Variants in ATP1A3 observed in about 807,000 individuals in gnomAD.
The protein encoded by ATP1A3 is ATPase Na+/K+ transporting subunit alpha 3.
A neutral mutation model predicts 108.8 loss-of-function variants in ATP1A3; 12 were observed. The ratio of observed to expected loss-of-function variants is 0.11; its 90% CI spans 0.07 to 0.18. The LOEUF is 0.18. ATP1A3 is among the 10% of genes least tolerant of loss of function. The pLI is 1.00. For synonymous variants in ATP1A3, 539 were observed against 564.5 expected (o/e 0.95, Z 0.64); for missense variants, 498 against 1,387.7 (o/e 0.36, Z 10.19).
At chr19:41,976,696 A>G in intron 14 of ATP1A3, 130 bp from the exon 15 acceptor site, 1 of 1,335,212 alleles carries the variant, frequency 7.5e-7, no homozygotes, top group Admixed American at 2.0e-5. Flanking sequence ...GGGCTGGGGG[A>G]AGAGGCCTCT....
chr19:41,966,856 A>G lies in ATP1A3; in HGVS notation c.*81T>C, dbSNP rs1308697626. Reference sequence around the variant, plus strand: ...AGGAAGAGAGGGCTCCTCCCCCCAGAATACAAAATTGGGGGGACTGACAGG... The same window carrying G: ...AGGAAGAGAGGGCTCCTCCCCCCAGGATACAAAATTGGGGGGACTGACAGG... On this transcript the variant is annotated 3_prime_UTR_variant, in exon 23 of 23. Coordinates refer to ENST00000648268, the MANE Select transcript of ATP1A3 (RefSeq NM_152296.5). The G allele has an allele frequency of 1.0e-5, 16 of 1,548,526 alleles. No individual in the cohort carries two copies. The East Asian group carries it at 2.2e-4, about 21-fold the overall frequency.
chr19:41,972,110 C>T (rs1441897238), intron 16 of ATP1A3, among the ~76,000 whole-genome samples: 3 of 151,816 alleles, frequency 2.0e-5, no homozygotes, highest in Non-Finnish European at 4.4e-5. Context: ...ATTAGCTGGG[C>T]GTGGTGGTGG....
intron 16 of ATP1A3, among the ~76,000 whole-genome samples, chr19:41,973,819 C>G (rs1044712462): frequency 3.3e-5 from 5 of 152,206 alleles, no homozygotes; most frequent in Non-Finnish European, 7.3e-5. Context: ...ACGGCTGTAT[C>G]TGAGACAGTG....
At position 41,988,603 on chromosome 19, in the gene ATP1A3, T is replaced by G; in HGVS notation, c.7-41A>C. The G allele has an allele frequency of 1.2e-6, 2 of 1,614,056 alleles. No individual in the cohort carries two copies. The highest frequency in any genetic ancestry group is 1.7e-6 in the Non-Finnish European group (2 of 1,180,028). On this transcript the variant is annotated intron_variant, in intron 1 of 22. Transcript: ENST00000648268. This position sits in a 1 kb window ranked among gnomAD's most constrained non-coding sequence, Gnocchi z 5.3. ...ACGATAGCTGTCAGAGCCACCAGAC[T>G]GCGGGCGAGAAGGGGTTCCAGGAGG...
At chr19:41,991,175 G>A (rs1212412414) in intron 1 of ATP1A3, among the ~76,000 whole-genome samples, 2 of 152,220 alleles carry the variant, frequency 1.3e-5, no homozygotes, top group Admixed American at 1.3e-4. Context: ...GACAGGTCCC[G>A]CAGGCCCAGG....
At chr19:41,991,874 T>A (rs1241835957) in intron 1 of ATP1A3, among the ~76,000 whole-genome samples, 5 of 42,020 alleles carry the variant, frequency 1.2e-4, no homozygotes, top group South Asian at 1.6e-3. Flanking sequence ...GAGGAGGGGC[T>A]GGGGCTGGAC....
Position 41,984,903 on chromosome 19 carries a change from G to A in ATP1A3, c.993+15C>T. ...CCCAGGCCCTCCCCACCCAGACCCA[G>A]GAGCCTGGCCTTACAGTGACAGTGG... On this transcript the variant is annotated intron_variant, in intron 8 of 22. Transcript: ENST00000648268. 1 of 1,608,724 alleles carries A rather than the reference G, an allele frequency of 6.2e-7. No individual in the cohort carries two copies. Among genetic ancestry groups the A allele is most frequent in the Non-Finnish European group, 8.5e-7 (1 of 1,177,476 alleles).
intron 4 of ATP1A3, chr19:41,986,546 A>C: frequency 3.0e-6 from 1 of 335,058 alleles, no homozygotes; most frequent in Non-Finnish European, 5.8e-6. Context: ...GGTTCAAGCG[A>C]TCCTCCTGCC....
chr19:41,966,926 T>G lies in ATP1A3; in HGVS notation c.*11A>C, dbSNP rs1362382459. The stretch of plus-strand genomic sequence containing the variant: ...GACGGGGAAGAGATGGGCGATGTGG[T>G]GGGGCTGAGGTCAGTAGTAGGTTTC... On this transcript the variant is annotated 3_prime_UTR_variant, in exon 23 of 23. Transcript: ENST00000648268. 6.4e-7 allele frequency: 1 copy of G among 1,550,758 alleles called. No individual in the cohort carries two copies. The highest frequency in any genetic ancestry group is 2.4e-5 in the East Asian group (1 of 40,918).
intron 1 of ATP1A3, 151 bp downstream of exon 1, chr19:41,993,920 A>C: frequency 7.0e-7 from 1 of 1,428,234 alleles, no homozygotes; most frequent in Non-Finnish European, 9.5e-7. Flanking sequence ...CCCCACGACC[A>C]CATGGATTGG....
At position 41,988,137 on chromosome 19, in the gene ATP1A3, A is replaced by G. The variant is rs1213410717; in HGVS notation, c.156T>C (p.Gly52=). Residue 52 remains glycine (G), a splice_region_variant and synonymous_variant, in exon 4 of 23, where the codon GGT becomes GGC. Transcript: ENST00000648268. This position sits in a 1 kb window ranked among gnomAD's most constrained non-coding sequence, Gnocchi z 5.3. ...TCTCCTGGGCTTTGCTGTGGGTCAA[A>G]CCCTGAGGGACAGAGGACTCACACA... is the stretch of plus-strand genomic sequence containing the variant. ...CRKYNTDCVQ[G]LTHSKAQEIL... 32 of 1,613,934 alleles carry G rather than the reference A, an allele frequency of 2.0e-5. No individual in the cohort carries two copies. Among genetic ancestry groups the G allele is most frequent in the Non-Finnish European group, 2.6e-5 (31 of 1,180,008 alleles).
chr19:41,982,202 C>T, intron 8 of ATP1A3, 96 bp from the exon 9 acceptor site: 1 of 1,602,040 alleles, frequency 6.2e-7, no homozygotes, highest in South Asian at 1.1e-5. Flanking sequence ...GCCCAGCCCC[C>T]AGAGAATCCT....
At chr19:41,990,304 T>C (rs902423790) in intron 1 of ATP1A3, among the ~76,000 whole-genome samples, 150 of 152,012 alleles carry the variant, frequency 9.9e-4, no homozygotes, top group African/African-American at 3.5e-3. Flanking sequence ...TGAATCTCTC[T>C]TTCTCTCTCA....
At position 41,976,983 on chromosome 19, in the gene ATP1A3, T is replaced by A. The variant is rs181520119; in HGVS notation, c.1944-417A>T. ...CCACGCCTGGCTAATTTTTTTTTAA[T>A]TTTTAGTGCAGATGGGGTTTTGCCA... On this transcript the variant is annotated intron_variant, in intron 14 of 22. Coordinates refer to ENST00000648268, the MANE Select transcript of ATP1A3 (RefSeq NM_152296.5). 3.5e-4 allele frequency among the ~76,000 whole-genome samples: 53 copies of A among 151,784 alleles called. 2 individuals carry two copies. In the East Asian group the frequency reaches 6.5e-3, roughly 19 times the overall value.
chr19:41,970,883 C>T (rs550549823), intron 16 of ATP1A3, among the ~76,000 whole-genome samples: 23 of 152,156 alleles, frequency 1.5e-4, no homozygotes, highest in South Asian at 4.1e-4. Flanking sequence ...CTGCCCTCCT[C>T]GGCCTCCTGA....
At chr19:41,980,737 C>T (rs991822113) in intron 11 of ATP1A3, among the ~76,000 whole-genome samples, 28 of 152,030 alleles carry the variant, frequency 1.8e-4, no homozygotes, top group African/African-American at 6.3e-4. Context: ...CGGTGAAACC[C>T]CGTCTCTACT....
chr19:41,981,875 C>G lies in ATP1A3; in HGVS notation c.1192+33G>C. On this transcript the variant is annotated intron_variant, in intron 9 of 22. Transcript: ENST00000648268. The surrounding 1 kb of genome is among the most constrained non-coding windows in gnomAD (Gnocchi z 5.0). Reference sequence around the variant, plus strand: ...AGGGCCAGGGACTCCTGGAGCCAGGCCCCCATGGTCCTCACCCGGGGCCTG... The same window carrying G: ...AGGGCCAGGGACTCCTGGAGCCAGGGCCCCATGGTCCTCACCCGGGGCCTG... 1 of 1,614,188 alleles carries G rather than the reference C, an allele frequency of 6.2e-7. No homozygotes were observed. Among genetic ancestry groups the G allele is most frequent in the Non-Finnish European group, 8.5e-7 (1 of 1,180,032 alleles).
chr19:41,982,015 G>C lies in ATP1A3; in HGVS notation c.1085C>G (p.Thr362Ser). 1.9e-6 allele frequency: 3 copies of C among 1,614,210 alleles called. No homozygotes were observed. Among genetic ancestry groups the C allele is most frequent in the Non-Finnish European group, 2.5e-6 (3 of 1,180,032 alleles). ...GGTCCCTGTCTTATCTGAGCAGATG[G>C]TGGACGTGGAGCCCAGGGTTTCTAC... is the stretch of plus-strand genomic sequence containing the variant. ...EAVETLGSTSTICSDKTGTLT... is the reference protein window; with the variant it reads ...EAVETLGSTSSICSDKTGTLT... The change falls in exon 9 of 23, where the codon ACC (threonine) becomes AGC (serine). Residue 362 changes from threonine (T) to serine (S), a missense_variant. Transcript: ENST00000648268.
In ATP1A3 at chr19:41,966,934, A is replaced by C. The variant is rs374234511; in HGVS notation, c.*3T>G. 36 of 1,551,354 alleles carry C rather than the reference A, an allele frequency of 2.3e-5. No individual in the cohort carries two copies. In the East Asian group the frequency reaches 2.4e-4, roughly 11 times the overall value. ...AGAGATGGGCGATGTGGTGGGGCTG[A>C]GGTCAGTAGTAGGTTTCCTTCTCCA... is the stretch of plus-strand genomic sequence containing the variant. On this transcript the variant is annotated 3_prime_UTR_variant, in exon 23 of 23. Transcript: ENST00000648268.
Sources: allele counts gnomAD v4.1 joint callset (sites outside exome capture counted in the v4.1 genomes callset), GRCh38; gene constraint gnomAD v4.1.1; non-coding constraint Gnocchi (gnomAD v3.1); transcripts MANE v1.5; gene names NCBI Gene and HGNC (gene_info 2026-07-23, HGNC 2026-07-21).